The following MOB3B variants were observed in gnomAD, a reference collection of about 807,000 sequenced individuals.
MOB3B encodes the protein MOB kinase activator-like 2B.
Under a neutral mutation model 18.7 loss-of-function variants are expected in MOB3B, and 7 were observed. That is an observed-to-expected ratio of 0.37 (90% CI 0.21 to 0.70). MOB3B has a LOEUF of 0.70. Among genes scored for constraint, MOB3B ranks in the 30% least tolerant of loss-of-function variants. The probability of loss-of-function intolerance (pLI) is 0.52; values close to 1 mark genes in which losing one functional copy is unlikely to be tolerated. For missense variants in MOB3B, 253 were observed against 281.3 expected, an observed-to-expected ratio of 0.90 and a Z score of 0.72; for synonymous variants, 111 against 99.9, an observed-to-expected ratio of 1.11 and a Z score of -0.66.
chr9:27,506,663 TG>T lies in MOB3B; in HGVS notation c.-199+22891del, dbSNP rs542221008. Among the ~76,000 whole-genome samples, 111 of 152,152 alleles carry T rather than the reference TG, an allele frequency of 7.3e-4. 3 individuals are homozygous for T. In the South Asian group the frequency reaches 0.022, roughly 31 times the overall value. ...TCTCTGCCTCAGCCTCCCAAGTAGC[TG>T]GGATTACAGGCACCCGCCACCACGC... On this transcript the variant is annotated intron_variant, in intron 1 of 3. Coordinates refer to ENST00000262244, the MANE Select transcript of MOB3B (RefSeq NM_024761.5).
At chr9:27,525,457 A>G (rs1015817436) in intron 1 of MOB3B, among the ~76,000 whole-genome samples, 1 of 152,082 alleles carries the variant, frequency 6.6e-6, no homozygotes, top group African/African-American at 2.4e-5. Flanking sequence ...GCTCGGGGGG[A>G]AAAAGGTTGA....
chr9:27,352,465 G>C (rs1343500658), intron 3 of MOB3B, among the ~76,000 whole-genome samples: 3 of 151,998 alleles, frequency 2.0e-5, no homozygotes, highest in Admixed American at 6.6e-5. Context: ...AAGAAATGAA[G>C]TTATTAATTA....
intron 1 of MOB3B, among the ~76,000 whole-genome samples, chr9:27,508,010 G>T (rs933005484): frequency 6.6e-6 from 1 of 152,160 alleles, no homozygotes. Context: ...AAGATTTCAA[G>T]GTAACTGGTT....
chr9:27,360,067 A>C (rs1431617242), intron 2 of MOB3B, among the ~76,000 whole-genome samples: 2 of 152,182 alleles, frequency 1.3e-5, no homozygotes, highest in Admixed American at 6.5e-5. Flanking sequence ...TCTGTAAAAG[A>C]GCGGTCATAA....
rs376064786 is a variant in MOB3B at position 27,359,162 on chromosome 9, C to A, written c.493G>T (p.Val165Phe). The change falls in exon 3 of 4, where the codon GTC becomes TTC. Residue 165 changes from valine (V) to phenylalanine (F), a missense_variant. Coordinates refer to ENST00000262244, the MANE Select transcript of MOB3B (RefSeq NM_024761.5). Reference protein sequence around the residue: ...LCRLFRVFVHVYIHHFDRVIV... With the variant: ...LCRLFRVFVHFYIHHFDRVIV... ...ACCCGGTCGAAGTGGTGGATATAGA[C>A]GTGGACAAAGACCCGGAAAAGGCGG... The A allele has an allele frequency of 6.2e-7, 1 of 1,613,998 alleles. No individual in the cohort carries two copies. The highest frequency in any genetic ancestry group is 1.1e-5 in the South Asian group (1 of 91,062).
chr9:27,400,599 G>T (rs1391112253), intron 2 of MOB3B, among the ~76,000 whole-genome samples: 3 of 152,194 alleles, frequency 2.0e-5, no homozygotes, highest in African/African-American at 7.2e-5. Context: ...TACTCTAGTA[G>T]TTCCTACATT....
At chr9:27,359,979 A>G (rs1254341968) in intron 2 of MOB3B, among the ~76,000 whole-genome samples, 2 of 152,194 alleles carry the variant, frequency 1.3e-5, no homozygotes, top group African/African-American at 2.4e-5. Context: ...TAAGCTAAAC[A>G]GACATTGTTT....
chr9:27,443,475 T>A lies in MOB3B; in HGVS notation c.418+11658A>T, dbSNP rs1361924741. ...TTCCTTTCTTTTACTGGTCTATCAC[T>A]GAACCTTCTCAAACTGCGAAAGGTA... On this transcript the variant is annotated intron_variant, in intron 2 of 3. Transcript: ENST00000262244. 3.9e-5 allele frequency among the ~76,000 whole-genome samples: 6 copies of A among 152,240 alleles called. No individual in the cohort carries two copies. The East Asian group carries it at 9.6e-4, about 24-fold the overall frequency.
chr9:27,460,950 C>T (rs1819277509), intron 1 of MOB3B, among the ~76,000 whole-genome samples: 1 of 152,184 alleles, frequency 6.6e-6, no homozygotes, highest in South Asian at 2.1e-4. Context: ...GACTCTATGT[C>T]AATCTGTAAG....
At chr9:27,516,825 A>C (rs578113285) in intron 1 of MOB3B, among the ~76,000 whole-genome samples, 1 of 152,188 alleles carries the variant, frequency 6.6e-6, no homozygotes, top group Admixed American at 6.5e-5. Context: ...CTTCCAATCT[A>C]TCTCTCCTGG....
At chr9:27,336,056 T>C (rs969071002) in intron 3 of MOB3B, among the ~76,000 whole-genome samples, 1 of 152,230 alleles carries the variant, frequency 6.6e-6, no homozygotes, top group Non-Finnish European at 1.5e-5. Flanking sequence ...ACGCATTTCA[T>C]ACCTACGATG....
At position 27,368,784 on chromosome 9, in the gene MOB3B, A is replaced by T. The variant is rs148000095; in HGVS notation, c.419-9548T>A. ...GAGTCTTAATTCTTTCAGACATGCC[A>T]TGTGCTGGGCATAGGAAGTGCTGTT... On this transcript the variant is annotated intron_variant, in intron 2 of 3. Transcript: ENST00000262244. Among the ~76,000 whole-genome samples, 7 of 152,294 alleles carry T rather than the reference A, an allele frequency of 4.6e-5. No individual in the cohort carries two copies. In the East Asian group the frequency reaches 1.4e-3, roughly 29 times the overall value.
intron 2 of MOB3B, among the ~76,000 whole-genome samples, chr9:27,454,329 G>GTGTC (rs1369410411): frequency 6.6e-6 from 1 of 152,158 alleles, no homozygotes; most frequent in African/African-American, 2.4e-5. Flanking sequence ...TATTTCCTGA[G>GTGTC]TGTCTACAAG....
chr9:27,469,827 T>C (rs1434322957), intron 1 of MOB3B, among the ~76,000 whole-genome samples: 1 of 151,952 alleles, frequency 6.6e-6, no homozygotes, highest in Non-Finnish European at 1.5e-5. Flanking sequence ...AGCTGACACC[T>C]AGAATTTCAG....
chr9:27,354,300 G>A (rs541147320), intron 3 of MOB3B, among the ~76,000 whole-genome samples: 2 of 152,296 alleles, frequency 1.3e-5, no homozygotes, highest in South Asian at 2.1e-4. Context: ...GTTTTCCTAG[G>A]ACATGAGAAT....
chr9:27,407,527 A>G (rs761969864), intron 2 of MOB3B, among the ~76,000 whole-genome samples: 6 of 151,880 alleles, frequency 4.0e-5, no homozygotes, highest in Non-Finnish European at 7.4e-5. Context: ...GGGCATGGAG[A>G]GCTTGATTTT....
intron 2 of MOB3B, among the ~76,000 whole-genome samples, chr9:27,365,367 T>C (rs914248170): frequency 4.1e-5 from 6 of 147,952 alleles, no homozygotes; most frequent in African/African-American, 1.5e-4. Context: ...TTCTTCTCTT[T>C]TTTTTTTTTT....
chr9:27,357,923 A>T lies in MOB3B; in HGVS notation c.621+1111T>A, dbSNP rs574577514. Among the ~76,000 whole-genome samples the T allele has an allele frequency of 1.1e-4, 15 of 132,862 alleles. No homozygotes were observed. In the South Asian group the frequency reaches 3.1e-3, roughly 28 times the overall value. The allele number at this position is 132,862 out of a possible 152,430, so 87.2% of individuals were successfully genotyped here. A position where few individuals can be genotyped will look rare whatever the true frequency, so the allele number is the denominator to read the frequency against. On this transcript the variant is annotated intron_variant, in intron 3 of 3. Transcript: ENST00000262244. The stretch of plus-strand genomic sequence containing the variant: ...AAAAAAAAAAAAAAAAAAAAAAAAT[A>T]GCCATGCCAGGCTATAGTCCCAGCT...
intron 2 of MOB3B, among the ~76,000 whole-genome samples, chr9:27,360,871 G>T (rs1034625431): frequency 2.6e-5 from 4 of 152,190 alleles, no homozygotes; most frequent in African/African-American, 9.7e-5. Flanking sequence ...GGAGCTGACT[G>T]CCTGGGCAAC....
Sources: gnomAD v4.1 joint callset for allele counts (sites outside exome capture counted in the v4.1 genomes callset) on GRCh38, gnomAD v4.1.1 for gene constraint, MANE v1.5 for transcripts, NCBI Gene and HGNC (gene_info 2026-07-23, HGNC 2026-07-21) for gene names.